The following GC variants were observed in gnomAD, a reference collection of about 807,000 sequenced individuals.
The protein encoded by GC is GC vitamin D binding protein, also known as vitamin D-binding protein.
A neutral mutation model predicts 56.7 loss-of-function variants in GC; 43 were observed. That is an observed-to-expected ratio of 0.76 (90% CI 0.59 to 0.98). The LOEUF is 0.98. Ranked by LOEUF, GC falls within the 50% of genes least tolerant of loss-of-function variation. The probability of loss-of-function intolerance (pLI) is 0.00; values close to 1 mark genes in which losing one functional copy is unlikely to be tolerated. For missense variants in GC, 529 were observed against 545.9 expected, an observed-to-expected ratio of 0.97 and a Z score of 0.31; for synonymous variants, 216 against 202.7, an observed-to-expected ratio of 1.07 and a Z score of -0.56.
At chr4:71,796,506 G>C (rs1016964450) in intron 1 of GC, among the ~76,000 whole-genome samples, 1 of 152,138 alleles carries the variant, frequency 6.6e-6, no homozygotes, top group African/African-American at 2.4e-5. Flanking sequence ...ATGGTTTTCA[G>C]CTCCATCAGG....
chr4:71,796,520 T>C (rs1327343714), intron 1 of GC, among the ~76,000 whole-genome samples: 2 of 152,226 alleles, frequency 1.3e-5, no homozygotes, highest in Admixed American at 6.5e-5. Flanking sequence ...CATCAGGTCA[T>C]TTATGGTCTT....
chr4:71,748,207 C>G (rs1045576667), intron 11 of GC, among the ~76,000 whole-genome samples: 11 of 152,078 alleles, frequency 7.2e-5, no homozygotes, highest in African/African-American at 1.4e-4. Context: ...AATATTTCTG[C>G]TTAACAAATA....
chr4:71,774,956 C>T (rs1560705387), intron 1 of GC, among the ~76,000 whole-genome samples: 1 of 150,568 alleles, frequency 6.6e-6, no homozygotes, highest in Non-Finnish European at 1.5e-5. Flanking sequence ...ATTATTCATG[C>T]CTGTTTAAAA....
At chr4:71,787,500 C>G (rs16847034), upstream of GC, among the ~76,000 whole-genome samples, 594 of 151,938 alleles carry the variant, frequency 3.9e-3, 1 homozygote, top group African/African-American at 0.013. Context: ...AACATGCAAG[C>G]TATTGGTACT....
At position 71,799,845 on chromosome 4, in the gene GC, G is replaced by C. The variant is rs983545837; in HGVS notation, c.21+4081C>G. 2.0e-5 allele frequency among the ~76,000 whole-genome samples: 3 copies of C among 152,192 alleles called. No homozygotes were observed. In the South Asian group the frequency reaches 6.2e-4, roughly 32 times the overall value. On this transcript the variant is annotated intron_variant, in intron 1 of 13. Coordinates refer to the GC transcript ENST00000504199. ...CATTGGAGATGTAGTCTAAGCCATA[G>C]TGTGGCTAGATTGCTGGAAAGGAAT...
intron 12 of GC, among the ~76,000 whole-genome samples, chr4:71,742,736 A>G (rs1015821823): frequency 4.6e-5 from 7 of 152,238 alleles, no homozygotes; most frequent in Non-Finnish European, 8.8e-5. Context: ...GCACTTTGGG[A>G]GGCCGAGGTG....
At position 71,769,384 on chromosome 4, in the gene GC, C is replaced by A; in HGVS notation, c.75G>T (p.Lys25Asn). ...GGGAGAATTCCTTGCAGACTTTATT[C>A]TTTTCATAATCCCGGCCTAGGAGGC... ...HALERGRDYEKNKVCKEFSHL... is the reference protein window; with the variant it reads ...HALERGRDYENNKVCKEFSHL... The change falls in exon 2 of 13, where the codon AAG becomes AAT. Residue 25 changes from lysine to asparagine, a missense_variant. Coordinates refer to ENST00000273951, the MANE Select transcript of GC (RefSeq NM_000583.4). 2 of 1,612,580 alleles carry A rather than the reference C, an allele frequency of 1.2e-6. No homozygotes were observed. Among genetic ancestry groups the A allele is most frequent in the Admixed American group, 1.7e-5 (1 of 59,986 alleles).
At position 71,754,451 on chromosome 4, in the gene GC, C is replaced by A; in HGVS notation, c.1222G>T (p.Ala408Ser). ...GTAAATGTATTTTCTGAATAATCTG[C>A]ACATAGTTCTTGTCCCTTGTCAATG... is the stretch of plus-strand genomic sequence containing the variant. Reference protein sequence around the residue: ...SFIDKGQELCADYSENTFTEY... With the variant: ...SFIDKGQELCSDYSENTFTEY... The change falls in exon 10 of 13, where the codon GCA becomes TCA. Residue 408 changes from alanine (A) to serine (S), a missense_variant. Transcript: ENST00000273951. 1 of 1,592,588 alleles carries A rather than the reference C, an allele frequency of 6.3e-7. No individual in the cohort carries two copies. The highest frequency in any genetic ancestry group is 2.2e-5 in the East Asian group (1 of 44,750).
chr4:71,743,849 C>T (rs1370124389), intron 12 of GC, among the ~76,000 whole-genome samples: 4 of 151,972 alleles, frequency 2.6e-5, no homozygotes, highest in Non-Finnish European at 5.9e-5. Context: ...ATGCATGTTA[C>T]CAAAATCCAT....
chr4:71,790,963 A>G (rs1432866695), intron 1 of GC, among the ~76,000 whole-genome samples: 2 of 151,864 alleles, frequency 1.3e-5, no homozygotes, highest in African/African-American at 4.8e-5. Flanking sequence ...AAACAACCCC[A>G]TTAAAAACTG....
intron 12 of GC, among the ~76,000 whole-genome samples, chr4:71,744,299 A>C (rs947894245): frequency 5.3e-5 from 8 of 150,788 alleles, no homozygotes; most frequent in African/African-American, 1.9e-4. Flanking sequence ...AAAAAAAAAA[A>C]AAAACCCAAA....
intron 1 of GC, among the ~76,000 whole-genome samples, chr4:71,796,369 TC>T (rs1342488055): frequency 1.3e-5 from 2 of 152,244 alleles, no homozygotes; most frequent in African/African-American, 4.8e-5. Context: ...TTCTGTTTAC[TC>T]TTTTTTCTCT....
chr4:71,785,606 G>T (rs62302169), upstream of GC, among the ~76,000 whole-genome samples: 942 of 151,808 alleles, frequency 6.2e-3, 9 homozygotes, highest in Middle Eastern at 0.024. Context: ...TTTCTGTAAG[G>T]CCAGTGGAAA....
At chr4:71,780,418 A>G (rs1397869709) in intron 1 of GC, among the ~76,000 whole-genome samples, 2 of 152,160 alleles carry the variant, frequency 1.3e-5, no homozygotes, top group African/African-American at 4.8e-5. Context: ...TCTGCACAGC[A>G]AAAGAAACTA....
In GC at chr4:71,746,772, T is replaced by TAAAAAAAAAAAAAAAAAAA. The variant is rs34865299; in HGVS notation, c.1396-586_1396-568dup. Among the ~76,000 whole-genome samples, 19 of 100,648 alleles carry TAAAAAAAAAAAAAAAAAAA rather than the reference T, an allele frequency of 1.9e-4. 1 individual carries two copies. The highest frequency in any genetic ancestry group is 8.0e-4 in the African/African-American group (19 of 23,836). 66.0% of individuals were successfully genotyped at this position (100,648 alleles called of 152,430 possible). The stretch of plus-strand genomic sequence containing the variant: ...CAAGGTCCAAAATACCTCTATTTTG[T>TAAAAAAAAAAAAAAAAAAA]AAAAAAAAAAAAAAAAAAAAAAACT... On this transcript the variant is annotated intron_variant, in intron 11 of 12. Coordinates refer to ENST00000273951, the MANE Select transcript of GC (RefSeq NM_000583.4).
At chr4:71,779,026 A>C (rs947886608) in intron 1 of GC, among the ~76,000 whole-genome samples, 2 of 151,440 alleles carry the variant, frequency 1.3e-5, no homozygotes, top group African/African-American at 4.8e-5. Flanking sequence ...CACATCAGCT[A>C]TCTCCTGGGA....
chr4:71,802,191 A>C (rs1410795982), intron 1 of GC, among the ~76,000 whole-genome samples: 1 of 152,178 alleles, frequency 6.6e-6, no homozygotes, highest in Non-Finnish European at 1.5e-5. Context: ...GTTTTTATCT[A>C]TTCCAGTTAA....
upstream of GC, among the ~76,000 whole-genome samples, chr4:71,788,506 G>T (rs751728776): frequency 1.3e-5 from 2 of 151,274 alleles, no homozygotes; most frequent in African/African-American, 4.8e-5. Flanking sequence ...ATGAGGTCTT[G>T]TATAACAAAC....
intron 1 of GC, 129 bp from the exon 2 acceptor site, chr4:71,769,529 A>G (rs1055357072): frequency 4.8e-6 from 3 of 624,770 alleles, no homozygotes; most frequent in Non-Finnish European, 8.4e-6. Flanking sequence ...TCTATATGCA[A>G]TTTCATATTT....
Sources: gnomAD v4.1 joint callset for allele counts (sites outside exome capture counted in the v4.1 genomes callset) on GRCh38, gnomAD v4.1.1 for gene constraint, MANE v1.5 for transcripts, NCBI Gene and HGNC (gene_info 2026-07-23, HGNC 2026-07-21) for gene names.